The following MEI4 variants were observed in gnomAD, a reference collection of about 807,000 sequenced individuals.
MEI4 encodes the protein meiotic double-stranded break formation protein 4, also known as meiosis-specific protein MEI4.
MEI4 carries 27 observed loss-of-function variants against 31.4 expected under a neutral mutation model. The observed-to-expected ratio is 0.86, with a 90% CI of 0.63 to 1.19. The LOEUF is 1.19. Ranked by LOEUF, MEI4 falls within the 50% of genes most tolerant of loss-of-function variation. The pLI is 0.00. For missense variants in MEI4, 329 were observed against 398.9 expected (o/e 0.82, Z 1.49); for synonymous variants, 122 against 145.4 (o/e 0.84, Z 1.16).
At chr6:77,787,277 A>G (rs1768764099) in intron 3 of MEI4, among the ~76,000 whole-genome samples, 1 of 152,194 alleles carries the variant, frequency 6.6e-6, no homozygotes. Flanking sequence ...GGCCACATTC[A>G]TCTGTGCACC....
At chr6:77,673,576 G>A (rs934747591) in intron 1 of MEI4, among the ~76,000 whole-genome samples, 2 of 152,130 alleles carry the variant, frequency 1.3e-5, no homozygotes, top group East Asian at 3.9e-4. Context: ...TGTTGGTGGA[G>A]GAGTGAAGAA....
intron 4 of MEI4, among the ~76,000 whole-genome samples, chr6:77,865,774 A>C (rs969805905): frequency 5.9e-5 from 9 of 152,076 alleles, no homozygotes; most frequent in African/African-American, 1.2e-4. Flanking sequence ...GAGACACAAC[A>C]AAAAAAGAGA....
intron 2 of MEI4, among the ~76,000 whole-genome samples, chr6:77,714,349 A>T (rs548680387): frequency 2.0e-5 from 3 of 152,216 alleles, no homozygotes; most frequent in Non-Finnish European, 4.4e-5. Context: ...TTATTTCTTT[A>T]TAACATGAAT....
At chr6:77,882,324 G>C (rs1170697264) in intron 4 of MEI4, among the ~76,000 whole-genome samples, 1 of 152,118 alleles carries the variant, frequency 6.6e-6, no homozygotes, top group Non-Finnish European at 1.5e-5. Flanking sequence ...AGCCATGATT[G>C]ATTGAATCAT....
intron 2 of MEI4, among the ~76,000 whole-genome samples, chr6:77,731,016 C>T (rs1262612449): frequency 2.6e-5 from 4 of 151,806 alleles, no homozygotes; most frequent in Non-Finnish European, 4.4e-5. Context: ...TTTTCTTAAT[C>T]CAGTCTATTG....
At position 77,917,907 on chromosome 6, in the gene MEI4, C is replaced by T. The variant is rs1057113796; in HGVS notation, c.901-5182C>T. ...AGGGTTTTTATGGTTTTAGGTCTAA[C>T]GTTTAAGTCTTTAATCCATCTTGAA... On this transcript the variant is annotated intron_variant, in intron 4 of 4. Transcript: ENST00000684080. 1.7e-3 allele frequency among the ~76,000 whole-genome samples: 245 copies of T among 148,056 alleles called. 3 individuals carry two copies. Among genetic ancestry groups the T allele is most frequent in the African/African-American group, 6.0e-3 (238 of 39,840 alleles).
At chr6:77,849,773 G>A (rs538986111) in intron 4 of MEI4, among the ~76,000 whole-genome samples, 135 of 152,134 alleles carry the variant, frequency 8.9e-4, no homozygotes, top group Admixed American at 4.8e-3. Context: ...TCTCTGTAAT[G>A]GTACTCAAAA....
At chr6:77,746,790 C>T (rs1322945472) in intron 2 of MEI4, among the ~76,000 whole-genome samples, 1 of 151,790 alleles carries the variant, frequency 6.6e-6, no homozygotes, top group Non-Finnish European at 1.5e-5. Flanking sequence ...GAGAAAGGAG[C>T]CAAGGATGGT....
chr6:77,892,360 G>C (rs1466470701), intron 4 of MEI4, among the ~76,000 whole-genome samples: 1 of 152,152 alleles, frequency 6.6e-6, no homozygotes, highest in Non-Finnish European at 1.5e-5. Context: ...AGGTGTCACT[G>C]CAAGAGGCTG....
intron 1 of MEI4, among the ~76,000 whole-genome samples, chr6:77,655,130 C>G (rs1488737700): frequency 6.6e-6 from 1 of 152,098 alleles, no homozygotes; most frequent in South Asian, 2.1e-4. Context: ...TGTTCAACTC[C>G]CACTTATGAC....
rs143828169 is a variant in MEI4, at chr6:77,753,562, C to T, written c.233-7568C>T. ...AAAACCACAATGAGATATCACTTCA[C>T]GCCAGTTAGAATGGCAATCATTAAA... On this transcript the variant is annotated intron_variant, in intron 2 of 4. Transcript: ENST00000684080. Among the ~76,000 whole-genome samples the T allele has an allele frequency of 1.5e-3, 227 of 152,290 alleles. 1 individual carries two copies. Among genetic ancestry groups the T allele is most frequent in the African/African-American group, 4.5e-3 (188 of 41,560 alleles).
rs577699583 is a variant in MEI4, at chr6:77,923,985, C to CAAAT, written c.*641_*644dup. 208 of 151,606 alleles carry CAAAT rather than the reference C, an allele frequency of 1.4e-3. 1 individual carries two copies. The highest frequency in any genetic ancestry group is 4.4e-3 in the African/African-American group (183 of 41,454). The allele number at this position is 151,606 out of a possible 1,614,324, so 9.4% of individuals were successfully genotyped here. On this transcript the variant is annotated 3_prime_UTR_variant, in exon 5 of 5. Coordinates refer to ENST00000684080, the MANE Select transcript of MEI4 (RefSeq NM_001322247.2). ...GTTTAAAATGTTCTTTGTTTTTCAA[C>CAAAT]AAATACTTGTTTCAATTCTGTTAAT... is the stretch of plus-strand genomic sequence containing the variant.
intron 3 of MEI4, among the ~76,000 whole-genome samples, chr6:77,788,204 A>G (rs982234221): frequency 6.6e-6 from 1 of 152,208 alleles, no homozygotes; most frequent in South Asian, 2.1e-4. Context: ...ATTCAACAGC[A>G]CTTCATGCTA....
chr6:77,844,572 G>T (rs2127716010), intron 4 of MEI4, among the ~76,000 whole-genome samples: 1 of 152,064 alleles, frequency 6.6e-6, no homozygotes, highest in South Asian at 2.1e-4. Context: ...AATCTTTTTT[G>T]TTAAAGATGA....
At chr6:77,889,653 T>C (rs1771709796) in intron 4 of MEI4, among the ~76,000 whole-genome samples, 1 of 152,226 alleles carries the variant, frequency 6.6e-6, no homozygotes. Flanking sequence ...CAGATGCTAA[T>C]TGCCAAGACA....
intron 2 of MEI4, among the ~76,000 whole-genome samples, chr6:77,738,950 T>A (rs1403335623): frequency 6.6e-6 from 1 of 152,198 alleles, no homozygotes; most frequent in East Asian, 1.9e-4. Context: ...TTTTTTCTTG[T>A]AAATTTAAAT....
intron 4 of MEI4, among the ~76,000 whole-genome samples, chr6:77,862,776 C>T (rs1208250951): frequency 6.6e-6 from 1 of 152,194 alleles, no homozygotes; most frequent in African/African-American, 2.4e-5. Context: ...CAGACGGCCT[C>T]CTCAAGTGGG....
intron 2 of MEI4, among the ~76,000 whole-genome samples, chr6:77,696,598 C>T (rs12211049): frequency 0.27 from 41,065 of 149,854 alleles, 6,023 homozygotes; most frequent in South Asian, 0.37. Flanking sequence ...ACCAGCCTTG[C>T]ATCCCAGGGA....
chr6:77,673,248 G>C (rs1377325324), intron 1 of MEI4, among the ~76,000 whole-genome samples: 2 of 152,170 alleles, frequency 1.3e-5, no homozygotes, highest in Non-Finnish European at 2.9e-5. Context: ...TAGTATGGCT[G>C]TAATAGTAGT....
Sources: gnomAD v4.1 joint callset for allele counts (sites outside exome capture counted in the v4.1 genomes callset) on GRCh38, gnomAD v4.1.1 for gene constraint, MANE v1.5 for transcripts, NCBI Gene and HGNC (gene_info 2026-07-23, HGNC 2026-07-21) for gene names.